The following BABAM2 variants were observed in gnomAD, a reference collection of about 807,000 sequenced individuals.
BABAM2 encodes the protein BRISC and BRCA1 A complex member 2.
In BABAM2, 31 loss-of-function variants were observed where a neutral mutation model predicts 54.7. That is an observed-to-expected ratio of 0.57 (90% CI 0.43 to 0.77). BABAM2 has a LOEUF of 0.77. Among genes scored for constraint, BABAM2 ranks in the 30% least tolerant of loss-of-function variants. BABAM2 has a pLI of 0.00. For synonymous variants in BABAM2, 167 were observed against 162.9 expected (o/e 1.03, Z -0.19); for missense variants, 364 against 455.8 (o/e 0.80, Z 1.83).
intron 4 of BABAM2, among the ~76,000 whole-genome samples, chr2:28,014,529 C>A (rs567047639): frequency 6.6e-6 from 1 of 152,028 alleles, no homozygotes; most frequent in Non-Finnish European, 1.5e-5. Context: ...CCAAATTAAT[C>A]CCAGAAGTGG....
intron 6 of BABAM2, among the ~76,000 whole-genome samples, chr2:28,099,721 G>A (rs1041450371): frequency 2.0e-5 from 3 of 151,810 alleles, no homozygotes; most frequent in Non-Finnish European, 4.4e-5. Context: ...ACCTATTTTT[G>A]GAAAGTTCCA....
intron 10 of BABAM2, among the ~76,000 whole-genome samples, chr2:28,274,945 C>A (rs1685740586): frequency 6.6e-6 from 1 of 152,158 alleles, no homozygotes; most frequent in African/African-American, 2.4e-5. Context: ...CCAGCATGCT[C>A]CAGTAGCTCC....
chr2:28,201,023 G>A (rs1178016307), intron 7 of BABAM2, among the ~76,000 whole-genome samples: 9 of 152,044 alleles, frequency 5.9e-5, no homozygotes, highest in East Asian at 1.9e-4. Context: ...CTCCCACCTC[G>A]GCCTCCCAAA....
chr2:27,895,632 G>A (rs1665233341), intron 2 of BABAM2, among the ~76,000 whole-genome samples: 1 of 152,122 alleles, frequency 6.6e-6, no homozygotes, highest in Non-Finnish European at 1.5e-5. Flanking sequence ...AATTAGTTAA[G>A]TACTGTATTT....
chr2:28,195,242 G>A (rs1284711729), intron 7 of BABAM2, among the ~76,000 whole-genome samples: 1 of 152,146 alleles, frequency 6.6e-6, no homozygotes, highest in Non-Finnish European at 1.5e-5. Context: ...TTAAGAATGT[G>A]TCTGCAATTT....
At chr2:27,950,646 AG>A (rs1209936936) in intron 3 of BABAM2, among the ~76,000 whole-genome samples, 1 of 152,078 alleles carries the variant, frequency 6.6e-6, no homozygotes, top group Non-Finnish European at 1.5e-5. Context: ...CTCATAGTAA[AG>A]CTGGCTTCAG....
At chr2:28,258,615 CTTT>C (rs70956008) in intron 10 of BABAM2, among the ~76,000 whole-genome samples, 2 of 100,044 alleles carry the variant, frequency 2.0e-5, no homozygotes, top group Non-Finnish European at 3.8e-5. Context: ...TTTTTCTTTT[CTTT>C]TTTTTTTTTT....
chr2:28,112,151 C>CTTTCTTTCTTTTTTTCTTTTT (rs1261759583), intron 6 of BABAM2, among the ~76,000 whole-genome samples: 1 of 19,606 alleles, frequency 5.1e-5, no homozygotes, highest in African/African-American at 2.3e-4. Context: ...CTTTCTTTAC[C>CTTTCTTTCTTTTTTTCTTTTT]TCCCTCCCTC....
At chr2:28,160,729 T>A (rs920554076) in intron 7 of BABAM2, among the ~76,000 whole-genome samples, 2 of 139,044 alleles carry the variant, frequency 1.4e-5, no homozygotes, top group African/African-American at 5.4e-5. Flanking sequence ...AAGGAACATA[T>A]AAATTGTTTT....
intron 7 of BABAM2, among the ~76,000 whole-genome samples, chr2:28,157,441 C>T (rs2147798651): frequency 6.6e-6 from 1 of 152,294 alleles, no homozygotes; most frequent in East Asian, 1.9e-4. Flanking sequence ...ATATATGAGA[C>T]AACAGATTCA....
intron 10 of BABAM2, among the ~76,000 whole-genome samples, chr2:28,289,440 T>C (rs1187196759): frequency 1.3e-5 from 2 of 152,246 alleles, no homozygotes; most frequent in Non-Finnish European, 2.9e-5. Flanking sequence ...TGTACCCACC[T>C]TAATCAAATC....
intron 10 of BABAM2, among the ~76,000 whole-genome samples, chr2:28,254,459 A>G (rs2148113486): frequency 6.6e-6 from 1 of 151,976 alleles, no homozygotes; most frequent in African/African-American, 2.4e-5. Flanking sequence ...TGTTTTTTTT[A>G]ACTGAATAAA....
intron 6 of BABAM2, among the ~76,000 whole-genome samples, chr2:28,123,651 T>C (rs1421393546): frequency 6.6e-6 from 1 of 152,190 alleles, no homozygotes; most frequent in Non-Finnish European, 1.5e-5. Flanking sequence ...TTGCAGAAAC[T>C]AGAAACAGCA....
At chr2:28,120,472 T>C (rs1221036370) in intron 6 of BABAM2, among the ~76,000 whole-genome samples, 1 of 152,196 alleles carries the variant, frequency 6.6e-6, no homozygotes, top group Non-Finnish European at 1.5e-5. Context: ...GGCTAGGGTC[T>C]GAGTCAGCAT....
At chr2:28,076,971 C>T (rs909724926) in intron 6 of BABAM2, among the ~76,000 whole-genome samples, 2 of 152,094 alleles carry the variant, frequency 1.3e-5, no homozygotes, top group African/African-American at 4.8e-5. Flanking sequence ...TTGATATATT[C>T]TTTCATTAAT....
At chr2:27,901,549 T>C (rs941483837) in intron 2 of BABAM2, among the ~76,000 whole-genome samples, 3 of 152,204 alleles carry the variant, frequency 2.0e-5, no homozygotes, top group Admixed American at 1.3e-4. Flanking sequence ...ACTTGATTAC[T>C]AAATAGACAG....
intron 5 of BABAM2, among the ~76,000 whole-genome samples, chr2:28,027,358 A>G (rs990512203): frequency 6.6e-6 from 1 of 152,148 alleles, no homozygotes; most frequent in Admixed American, 6.5e-5. Flanking sequence ...TTAAGTGTAC[A>G]GTTAAATGAT....
chr2:28,312,055 G>A (rs1384534690), intron 11 of BABAM2, among the ~76,000 whole-genome samples: 2 of 152,148 alleles, frequency 1.3e-5, no homozygotes, highest in Non-Finnish European at 2.9e-5. Context: ...GACAGGTGCC[G>A]CCAGGGCTGC....
intron 3 of BABAM2, among the ~76,000 whole-genome samples, chr2:27,985,202 C>G (rs1167022242): frequency 2.0e-5 from 3 of 151,800 alleles, no homozygotes; most frequent in Non-Finnish European, 4.4e-5. Context: ...GTGCAAGTAT[C>G]TTTTTTGTAT....
Sources: gnomAD v4.1 joint callset for allele counts (sites outside exome capture counted in the v4.1 genomes callset) on GRCh38, gnomAD v4.1.1 for gene constraint, MANE v1.5 for transcripts, NCBI Gene and HGNC (gene_info 2026-07-23, HGNC 2026-07-21) for gene names.